Variants in GLO1 observed in about 807,000 individuals in gnomAD.
The protein encoded by GLO1 is glyoxalase I.
A neutral mutation model predicts 26.0 loss-of-function variants in GLO1; 28 were observed. That is an observed-to-expected ratio of 1.08 (90% confidence interval 0.80 to 1.48). GLO1 has a LOEUF of 1.48. GLO1 is among the 40% of genes most tolerant of loss of function. GLO1 has a pLI of 0.00. For synonymous variants in GLO1, 78 were observed against 77.6 expected (o/e 1.00, Z -0.03); for missense variants, 225 against 224.8 (o/e 1.00, Z -0.01).
At chr6:38,702,709 GC>G (rs1299884957) in intron 1 of GLO1, among the ~76,000 whole-genome samples, 3 of 152,142 alleles carry the variant, frequency 2.0e-5, no homozygotes, top group Admixed American at 1.3e-4. Context: ...GGTTGGCCTG[GC>G]TTCCAGCCAC....
In GLO1 at chr6:38,693,446, T is replaced by C. The variant is rs1227208382; in HGVS notation, c.85-6472A>G. On this transcript the variant is annotated intron_variant, in intron 1 of 5. Coordinates refer to ENST00000373365, the MANE Select transcript of GLO1 (RefSeq NM_006708.3). ...TTTCAAAGAACCAGCTCTGTTTTAC[T>C]GATTTTCTGTTCTTAATTTCATTAA... Among the ~76,000 whole-genome samples the C allele has an allele frequency of 2.0e-5, 3 of 152,166 alleles. No homozygotes were observed. The South Asian group carries it at 6.2e-4, about 32-fold the overall frequency.
Position 38,682,081 on chromosome 6 carries a change from G to T in GLO1, c.397C>A (p.Pro133Thr), listed in dbSNP as rs757438071. Reference protein sequence around the residue: ...RGFGHIGIAVPDVYSACKRFE... With the variant: ...RGFGHIGIAVTDVYSACKRFE... ...CTTTTACAAGCACTGTATACATCAGGAACAGCAATTCCAATATGACCTTAC... is the reference window on the plus strand; with the variant it reads ...CTTTTACAAGCACTGTATACATCAGTAACAGCAATTCCAATATGACCTTAC... The change falls in exon 5 of 6, where the codon CCT (proline) becomes ACT (threonine). Residue 133 changes from proline to threonine, a missense_variant. Coordinates refer to ENST00000373365, the MANE Select transcript of GLO1 (RefSeq NM_006708.3). 1.3e-6 allele frequency: 2 copies of T among 1,587,292 alleles called. No individual in the cohort carries two copies. The highest frequency in any genetic ancestry group is 1.7e-6 in the Non-Finnish European group (2 of 1,155,602).
chr6:38,679,003 G>C (rs1311866896), intron 5 of GLO1, among the ~76,000 whole-genome samples: 1 of 134,546 alleles, frequency 7.4e-6, no homozygotes, highest in East Asian at 2.0e-4. Context: ...CAGTTGCAGG[G>C]GAAAAAAGCT....
intron 5 of GLO1, among the ~76,000 whole-genome samples, chr6:38,679,544 C>A (rs1289525223): frequency 6.6e-6 from 1 of 151,966 alleles, no homozygotes; most frequent in African/African-American, 2.4e-5. Flanking sequence ...ATCTGTAATC[C>A]CAATACTTTG....
intron 4 of GLO1, among the ~76,000 whole-genome samples, chr6:38,682,602 T>C (rs1363453193): frequency 2.0e-5 from 3 of 152,170 alleles, no homozygotes; most frequent in Non-Finnish European, 4.4e-5. Flanking sequence ...CATGGTGAGA[T>C]GGTAAGTGTA....
Position 38,703,129 on chromosome 6 carries a change from C to T in GLO1, c.-75G>A. On this transcript the variant is annotated 5_prime_UTR_variant, in exon 1 of 6. Transcript: ENST00000373365. The stretch of plus-strand genomic sequence containing the variant: ...ACCCACACTACGCCTCGGCCCTGTG[C>T]CGCCTTAACTAGGAATGGCGCGATG... 4.6e-6 allele frequency: 4 copies of T among 873,228 alleles called. No homozygotes were observed. Among genetic ancestry groups the T allele is most frequent in the Non-Finnish European group, 7.2e-6 (4 of 553,514 alleles). The allele number at this position is 873,228 out of a possible 1,614,324, so 54.1% of individuals were successfully genotyped here.
chr6:38,676,858 T>G lies in GLO1; in HGVS notation c.*437A>C, dbSNP rs1185534119. ...GTAAAATAAACACTTTGTACTTTAC[T>G]GAAAGAACACTAGTGTTCTTTCCTT... On this transcript the variant is annotated 3_prime_UTR_variant, in exon 6 of 6. Transcript: ENST00000373365. 3 of 158,778 alleles carry G rather than the reference T, an allele frequency of 1.9e-5. No homozygotes were observed. Among genetic ancestry groups the G allele is most frequent in the Non-Finnish European group, 2.7e-5 (2 of 73,024 alleles). 9.8% of individuals were successfully genotyped at this position (158,778 alleles called of 1,614,324 possible).
intron 1 of GLO1, among the ~76,000 whole-genome samples, chr6:38,696,826 A>G (rs535147128): frequency 6.6e-6 from 1 of 152,352 alleles, no homozygotes; most frequent in South Asian, 2.1e-4. Context: ...TTCGACCTTA[A>G]TAAGACTGAG....
chr6:38,702,823 T>A (rs1761724646), intron 1 of GLO1, 148 bp downstream of exon 1: 1 of 562,476 alleles, frequency 1.8e-6, no homozygotes, highest in Non-Finnish European at 3.1e-6. Flanking sequence ...GATCGCCCCA[T>A]CAAACACCAT....
At chr6:38,681,568 T>A (rs1241450484) in intron 5 of GLO1, among the ~76,000 whole-genome samples, 1 of 151,962 alleles carries the variant, frequency 6.6e-6, no homozygotes, top group Non-Finnish European at 1.5e-5. Context: ...TACCTAAAAC[T>A]TAAGGACATA....
At chr6:38,694,250 T>A (rs945151841) in intron 1 of GLO1, among the ~76,000 whole-genome samples, 10 of 151,654 alleles carry the variant, frequency 6.6e-5, no homozygotes, top group African/African-American at 2.4e-4. Flanking sequence ...TACAGACACT[T>A]GGAAAAAAAA....
chr6:38,678,348 AAGAG>A (rs1487015268), intron 5 of GLO1, among the ~76,000 whole-genome samples: 8 of 148,432 alleles, frequency 5.4e-5, no homozygotes, highest in Non-Finnish European at 1.2e-4. Flanking sequence ...GAAAGAGAGA[AAGAG>A]AGAAGGAAGG....
chr6:38,679,695 T>C lies in GLO1; in HGVS notation c.467-2312A>G, dbSNP rs4711555. Among the ~76,000 whole-genome samples the C allele has an allele frequency of 5.7e-3, 869 of 151,746 alleles. 20 individuals carry two copies. The highest frequency in any genetic ancestry group is 0.036 in the Admixed American group (554 of 15,240). Reference sequence around the variant, plus strand: ...CTGTAGTCCCAGCTACTCAGGAGGCTGAGGTGGATTATTGTTTGATCCCAG... The same window carrying C: ...CTGTAGTCCCAGCTACTCAGGAGGCCGAGGTGGATTATTGTTTGATCCCAG... On this transcript the variant is annotated intron_variant, in intron 5 of 5. Coordinates refer to ENST00000373365, the MANE Select transcript of GLO1 (RefSeq NM_006708.3).
intron 5 of GLO1, 57 bp downstream of exon 5, chr6:38,681,955 G>C: frequency 1.2e-6 from 1 of 863,176 alleles, no homozygotes; most frequent in Non-Finnish European, 2.0e-6. Flanking sequence ...GGCCTCTGTA[G>C]GTGGTTAGTA....
At chr6:38,681,403 A>T (rs1471315047) in intron 5 of GLO1, among the ~76,000 whole-genome samples, 1 of 152,210 alleles carries the variant, frequency 6.6e-6, no homozygotes, top group Non-Finnish European at 1.5e-5. Flanking sequence ...AAGGATTGAA[A>T]TTAAACAGTG....
chr6:38,685,023 T>C (rs1761441962), intron 2 of GLO1, among the ~76,000 whole-genome samples: 1 of 152,172 alleles, frequency 6.6e-6, no homozygotes, highest in South Asian at 2.1e-4. Context: ...GACGTGAATG[T>C]CAACAGTAAG....
chr6:38,699,491 C>T (rs992864707), intron 1 of GLO1, among the ~76,000 whole-genome samples: 6 of 151,946 alleles, frequency 3.9e-5, no homozygotes, highest in Non-Finnish European at 7.4e-5. Flanking sequence ...CCTGAGGGGT[C>T]GGACAAAAAG....
intron 1 of GLO1, among the ~76,000 whole-genome samples, chr6:38,702,191 T>C (rs1471884807): frequency 6.6e-6 from 1 of 152,154 alleles, no homozygotes; most frequent in Non-Finnish European, 1.5e-5. Flanking sequence ...CCTCCCAAAG[T>C]GCTGGGATTA....
intron 1 of GLO1, among the ~76,000 whole-genome samples, chr6:38,702,604 C>G (rs1263205967): frequency 6.6e-6 from 1 of 152,100 alleles, no homozygotes; most frequent in African/African-American, 2.4e-5. Context: ...CTGGGCAGGA[C>G]TGGTACAGGA....
Sources: allele counts gnomAD v4.1 joint callset (sites outside exome capture counted in the v4.1 genomes callset), GRCh38; gene constraint gnomAD v4.1.1; transcripts MANE v1.5; gene names NCBI Gene and HGNC (gene_info 2026-07-23, HGNC 2026-07-21).